OR1J2: variants seen among roughly 807,000 people sequenced by gnomAD.
The protein encoded by OR1J2 is olfactory receptor 1J2.
For missense variants in OR1J2, 304 were observed against 246.1 expected, an observed-to-expected ratio of 1.24 and a Z score of -1.57; for synonymous variants, 142 against 99.7, an observed-to-expected ratio of 1.42 and a Z score of -2.52.
chr9:122,560,761 T>C, the OR1J2 span, among the ~76,000 whole-genome samples: 2 of 152,198 alleles, frequency 1.3e-5, no homozygotes, highest in Non-Finnish European at 2.9e-5. Context: ...CCCTTAACAT[T>C]TTTTCCTTCA....
chr9:122,489,418 C>T, the OR1J2 span, among the ~76,000 whole-genome samples: 1 of 152,032 alleles, frequency 6.6e-6, no homozygotes, highest in Admixed American at 6.6e-5. Flanking sequence ...GAAGAAACAG[C>T]CTGGGCTCCA....
At chr9:122,541,773 G>T in the OR1J2 span, among the ~76,000 whole-genome samples, 13 of 152,196 alleles carry the variant, frequency 8.5e-5, no homozygotes, top group African/African-American at 3.1e-4. Flanking sequence ...AGATCACCCT[G>T]TGGTGAAACT....
At chr9:122,515,836 T>G (rs1402706508), downstream of OR1J2, among the ~76,000 whole-genome samples, 2 of 152,152 alleles carry the variant, frequency 1.3e-5, no homozygotes, top group Non-Finnish European at 1.5e-5. Context: ...GCCTGTAATC[T>G]GTAGTGTATT....
chr9:122,481,086 G>A, the OR1J2 span, among the ~76,000 whole-genome samples: 13 of 152,062 alleles, frequency 8.5e-5, no homozygotes, highest in Non-Finnish European at 1.8e-4. Context: ...GAGCCACTGC[G>A]CCCGGCCCCA....
the OR1J2 span, among the ~76,000 whole-genome samples, chr9:122,560,671 A>T: frequency 0.58 from 88,312 of 152,040 alleles, 26,169 homozygotes; most frequent in East Asian, 0.97. Flanking sequence ...CTCTTCTGGC[A>T]TGTAGGGTTT....
upstream of OR1J2, among the ~76,000 whole-genome samples, chr9:122,508,127 G>A (rs72751220): frequency 0.06 from 8,667 of 145,320 alleles, 349 homozygotes; most frequent in Admixed American, 0.099. Context: ...AGTGAGGGGG[G>A]GAGAGAGAGA....
chr9:122,499,196 C>G, the OR1J2 span, among the ~76,000 whole-genome samples: 1 of 152,212 alleles, frequency 6.6e-6, no homozygotes, highest in African/African-American at 2.4e-5. Flanking sequence ...GGCGTAAGAA[C>G]CAATGCCAAT....
the OR1J2 span, among the ~76,000 whole-genome samples, chr9:122,538,087 G>A: frequency 3.3e-5 from 5 of 152,208 alleles, no homozygotes; most frequent in East Asian, 9.7e-4. Flanking sequence ...CAAGTCACCT[G>A]TGTAGCCTTT....
At chr9:122,467,076 T>C in the OR1J2 span, among the ~76,000 whole-genome samples, 1 of 152,146 alleles carries the variant, frequency 6.6e-6, no homozygotes, top group South Asian at 2.1e-4. Flanking sequence ...CCACCTGCCT[T>C]GGCCTCCCAA....
upstream of OR1J2, among the ~76,000 whole-genome samples, chr9:122,509,364 A>G (rs1828589685): frequency 1.3e-5 from 2 of 152,292 alleles, no homozygotes; most frequent in African/African-American, 4.8e-5. Flanking sequence ...TAGCCTTCAC[A>G]GTTTGTTATG....
In OR1J2 at chr9:122,511,266, C is replaced by T; in HGVS notation, c.465C>T (p.Ser155=). The change falls in exon 1 of 1, where the codon AGC becomes AGT. Residue 155 remains serine (S), a synonymous_variant. Transcript: ENST00000335302. ...TATCTTGGATTCTGTCTTGTGCCAG[C>T]TCCCTCTCTCACACCCTTCTCCTGA... ...VAVSWILSCA[S]SLSHTLLLTR... 4.0e-6 allele frequency: 3 copies of T among 752,920 alleles called. No homozygotes were observed. The South Asian group carries it at 4.4e-5, about 11-fold the overall frequency. 46.6% of individuals were successfully genotyped at this position (752,920 alleles called of 1,614,324 possible). A position where few individuals can be genotyped will look rare whatever the true frequency, so the allele number is the denominator to read the frequency against.
chr9:122,517,952 G>A, the OR1J2 span, among the ~76,000 whole-genome samples: 1 of 152,134 alleles, frequency 6.6e-6, no homozygotes, highest in Admixed American at 6.5e-5. Flanking sequence ...TTATAAGTGA[G>A]AACATGTGTT....
chr9:122,553,308 A>G, the OR1J2 span: 2 of 1,613,958 alleles, frequency 1.2e-6, no homozygotes, highest in African/African-American at 1.3e-5. Context: ...TCTGTTTGGC[A>G]TCTTCCTTGG....
At chr9:122,540,548 G>GTGA in the OR1J2 span, among the ~76,000 whole-genome samples, 1 of 151,768 alleles carries the variant, frequency 6.6e-6, no homozygotes, top group African/African-American at 2.4e-5. Flanking sequence ...GTCAGGTAGC[G>GTGA]TGATGCCTCC....
chr9:122,478,680 G>C, the OR1J2 span, among the ~76,000 whole-genome samples: 1 of 152,174 alleles, frequency 6.6e-6, no homozygotes, highest in Admixed American at 6.5e-5. Flanking sequence ...GGGTGGTACT[G>C]TTGAAAGTCC....
chr9:122,562,825 T>C, the OR1J2 span, among the ~76,000 whole-genome samples: 9 of 152,160 alleles, frequency 5.9e-5, no homozygotes, highest in Non-Finnish European at 1.2e-4. Context: ...GGTTCATCCA[T>C]GCTGCCACAA....
the OR1J2 span, chr9:122,519,473 C>A: frequency 9.9e-6 from 16 of 1,613,992 alleles, no homozygotes; most frequent in South Asian, 1.5e-4. Flanking sequence ...CTGATCTAGA[C>A]AATTTCCTTC....
chr9:122,568,375 C>T, the OR1J2 span: 109 of 1,613,614 alleles, frequency 6.8e-5, no homozygotes, highest in African/African-American at 1.9e-4. Context: ...ACCAGGTACA[C>T]GATGAGGAAG....
the OR1J2 span, among the ~76,000 whole-genome samples, chr9:122,573,150 T>C: frequency 2.6e-5 from 4 of 152,192 alleles, no homozygotes; most frequent in Non-Finnish European, 5.9e-5. Context: ...CTGTGATCCT[T>C]GTTAGGCTGA....
Sources: gnomAD v4.1 joint callset for allele counts (sites outside exome capture counted in the v4.1 genomes callset) on GRCh38, gnomAD v4.1.1 for gene constraint, MANE v1.5 for transcripts, NCBI Gene and HGNC (gene_info 2026-07-23, HGNC 2026-07-21) for gene names.